HEMK1: variants seen among roughly 807,000 people sequenced by gnomAD.
The protein encoded by HEMK1 is HemK methyltransferase 1, mitochondrial release factors N(5)-glutamine, also known as MTRF1L release factor glutamine methyltransferase.
HEMK1 carries 36 observed loss-of-function variants against 47.9 expected under a neutral mutation model. The observed-to-expected ratio is 0.75, with a 90% CI of 0.58 to 0.99. The LOEUF (loss-of-function observed/expected upper bound fraction) is 0.99. Ranked by LOEUF, HEMK1 falls within the 50% of genes least tolerant of loss-of-function variation. The pLI is 0.00. For missense variants in HEMK1, 383 were observed against 434.5 expected (o/e 0.88, Z 1.05); for synonymous variants, 153 against 165.4 (o/e 0.93, Z 0.57).
intron 4 of HEMK1, among the ~76,000 whole-genome samples, chr3:50,574,085 T>TG (rs1701309930): frequency 6.6e-6 from 1 of 152,192 alleles, no homozygotes; most frequent in Non-Finnish European, 1.5e-5. Flanking sequence ...AGCCTCTTGA[T>TG]GGGGTATGGA....
intron 5 of HEMK1, 66 bp from the exon 6 acceptor site, chr3:50,577,443 G>A (rs1392587152): frequency 3.3e-6 from 5 of 1,499,988 alleles, no homozygotes; most frequent in Non-Finnish European, 3.7e-6. Flanking sequence ...GGGTCCCCCA[G>A]GCCCAGTATC....
chr3:50,580,495 G>C lies in HEMK1; in HGVS notation c.*78G>C. 5 of 1,395,186 alleles carry C rather than the reference G, an allele frequency of 3.6e-6. No homozygotes were observed. Among genetic ancestry groups the C allele is most frequent in the Non-Finnish European group, 5.1e-6 (5 of 988,756 alleles). The allele number at this position is 1,395,186 out of a possible 1,614,324, so 86.4% of individuals were successfully genotyped here. A position where few individuals can be genotyped will look rare whatever the true frequency, so the allele number is the denominator to read the frequency against. On this transcript the variant is annotated 3_prime_UTR_variant, in exon 11 of 11. Coordinates refer to ENST00000232854, the MANE Select transcript of HEMK1 (RefSeq NM_016173.5). ...GGTGGATGGCACTTTCCAGAGCCCA[G>C]GTTCTTATGGCATTTCCCAGGGTTC...
intron 1 of HEMK1, chr3:50,570,215 G>A (rs764863435): frequency 6.6e-6 from 1 of 152,246 alleles, no homozygotes; most frequent in Non-Finnish European, 1.5e-5. Context: ...ATCTGAAGAT[G>A]TGGCACTTAG....
At chr3:50,578,307 G>C (rs1281201664) in intron 7 of HEMK1, among the ~76,000 whole-genome samples, 3 of 152,216 alleles carry the variant, frequency 2.0e-5, no homozygotes, top group Non-Finnish European at 4.4e-5. Flanking sequence ...TCCAACTCCA[G>C]TTCTGGCTCC....
At chr3:50,576,085 T>A (rs1701562828) in intron 4 of HEMK1, among the ~76,000 whole-genome samples, 1 of 152,230 alleles carries the variant, frequency 6.6e-6, no homozygotes, top group African/African-American at 2.4e-5. Flanking sequence ...TGCCTGTGTA[T>A]GCCACAGCCC....
chr3:50,577,358 C>A (rs1701696640), intron 5 of HEMK1, 151 bp from the exon 6 acceptor site: 1 of 1,087,912 alleles, frequency 9.2e-7, no homozygotes, highest in Non-Finnish European at 1.4e-6. Flanking sequence ...CCTACCACAT[C>A]TATCTGGCTA....
In HEMK1 at chr3:50,591,449, A is replaced by C. The variant is rs546743422; in HGVS notation, c.*11032A>C. ...TTAGGCTCTGGGGAAGCCAAGCAAC[A>C]TCACATGTACACAGCATAGAGACTC... On this transcript the variant is annotated 3_prime_UTR_variant, in exon 11 of 11. Coordinates refer to ENST00000232854, the MANE Select transcript of HEMK1 (RefSeq NM_016173.5). 1 of 152,414 alleles carries C rather than the reference A, an allele frequency of 6.6e-6. No homozygotes were observed. Among genetic ancestry groups the C allele is most frequent in the African/African-American group, 2.4e-5 (1 of 41,552 alleles). 9.4% of individuals were successfully genotyped at this position (152,414 alleles called of 1,614,324 possible).
rs763779652 is a variant in HEMK1, at chr3:50,580,634, G to T, written c.*217G>T. On this transcript the variant is annotated 3_prime_UTR_variant, in exon 11 of 11. Coordinates refer to ENST00000232854, the MANE Select transcript of HEMK1 (RefSeq NM_016173.5). Reference sequence around the variant, plus strand: ...CTGTGTTGGTGAAATTGCTGTGGGGGTATCGGGGGATATGGCCAGTAAAGT... The same window carrying T: ...CTGTGTTGGTGAAATTGCTGTGGGGTTATCGGGGGATATGGCCAGTAAAGT... The T allele has an allele frequency of 3.3e-5, 20 of 597,676 alleles. No homozygotes were observed. The highest frequency in any genetic ancestry group is 5.7e-5 in the Non-Finnish European group (19 of 336,270). The allele number at this position is 597,676 out of a possible 1,614,324, so 37.0% of individuals were successfully genotyped here. A position where few individuals can be genotyped will look rare whatever the true frequency, so the allele number is the denominator to read the frequency against.
rs2031265614 is a variant in HEMK1 at position 50,585,339 on chromosome 3, G to A, written c.*4922G>A. ...CAGCAGCCCCTGACTTTGAGCTAAT[G>A]GGCCTGGCCCCTCCATGTAAGCCAT... On this transcript the variant is annotated 3_prime_UTR_variant, in exon 11 of 11. Transcript: ENST00000232854. 1 of 152,310 alleles carries A rather than the reference G, an allele frequency of 6.6e-6. No homozygotes were observed. Among genetic ancestry groups the A allele is most frequent in the Admixed American group, 6.5e-5 (1 of 15,280 alleles). The allele number at this position is 152,310 out of a possible 1,614,324, so 9.4% of individuals were successfully genotyped here.
At chr3:50,570,880 G>T (rs748102961) in intron 1 of HEMK1, 51 bp from the exon 2 acceptor site, 9 of 449,240 alleles carry the variant, frequency 2.0e-5, no homozygotes, top group East Asian at 7.2e-5. Context: ...TTGGTAGAAG[G>T]GGGGGTGTCA....
rs1224206884 is a variant in HEMK1, at chr3:50,577,133, G to A, written c.496G>A (p.Val166Met). The change falls in exon 5 of 11, where the codon GTG becomes ATG. Residue 166 changes from valine to methionine, a missense_variant. Coordinates refer to ENST00000232854, the MANE Select transcript of HEMK1 (RefSeq NM_016173.5). Reference protein sequence around the residue: ...GSPGSPLILEVGCGSGAISLS... With the variant: ...GSPGSPLILEMGCGSGAISLS... ...CCCAGGCAGCCCCCTCATTCTGGAG[G>A]TGGGCTGCGGATCAGGAGCCATCTC... The A allele has an allele frequency of 6.2e-7, 1 of 1,613,594 alleles. No individual in the cohort carries two copies. Among genetic ancestry groups the A allele is most frequent in the Admixed American group, 1.7e-5 (1 of 59,942 alleles).
chr3:50,578,773 C>T (rs1292592019), intron 7 of HEMK1, 48 bp from the exon 8 acceptor site: 7 of 1,269,280 alleles, frequency 5.5e-6, no homozygotes, highest in East Asian at 2.4e-5. Context: ...TCATCCTTTA[C>T]CTCCCAATGG....
chr3:50,571,120 C>T lies in HEMK1; in HGVS notation c.16C>T (p.Arg6Ter), dbSNP rs1303645255. 8.8e-6 allele frequency: 14 copies of T among 1,595,738 alleles called. No individual in the cohort carries two copies. Among genetic ancestry groups the T allele is most frequent in the South Asian group, 1.1e-5 (1 of 88,782 alleles). The part of the protein sequence containing the change: MELWG[R>*]MLWALLSGPG... ...TCCCTGAGACATGGAGCTTTGGGGC[C>T]GAATGCTGTGGGCCCTCCTGTCTGG... is the stretch of plus-strand genomic sequence containing the variant. The change falls in exon 2 of 11, where the codon CGA (arginine) becomes TGA (stop). Residue 6 changes from arginine (R) to a stop codon, truncating the protein, a stop_gained. Coordinates refer to ENST00000232854, the MANE Select transcript of HEMK1 (RefSeq NM_016173.5). LOFTEE classifies it high-confidence loss of function.
chr3:50,578,361 T>C (rs367941860), intron 7 of HEMK1, among the ~76,000 whole-genome samples: 1 of 152,120 alleles, frequency 6.6e-6, no homozygotes, highest in Non-Finnish European at 1.5e-5. Flanking sequence ...GCCCCCTCCA[T>C]GGAATGTGAT....
chr3:50,578,070 C>T (rs961550135), intron 7 of HEMK1, among the ~76,000 whole-genome samples, 195 bp downstream of exon 7: 4 of 152,150 alleles, frequency 2.6e-5, no homozygotes, highest in Non-Finnish European at 5.9e-5. Flanking sequence ...AGACAAGGTG[C>T]TTTTGCCTCC....
chr3:50,587,879 G>A lies in HEMK1; in HGVS notation c.*7462G>A, dbSNP rs183984851. 1 of 152,538 alleles carries A rather than the reference G, an allele frequency of 6.6e-6. No individual in the cohort carries two copies. The highest frequency in any genetic ancestry group is 6.5e-5 in the Admixed American group (1 of 15,310). 9.4% of individuals were successfully genotyped at this position (152,538 alleles called of 1,614,324 possible). On this transcript the variant is annotated 3_prime_UTR_variant, in exon 11 of 11. Transcript: ENST00000232854. The surrounding 1 kb of genome is among the most constrained non-coding windows in gnomAD (Gnocchi z 4.2). ...CTGGAGGTGGCTGGGGTCTGTAGCAGTGGCATCAGATATTCTGGAACAGAA... is the reference window on the plus strand; with the variant it reads ...CTGGAGGTGGCTGGGGTCTGTAGCAATGGCATCAGATATTCTGGAACAGAA...
At position 50,582,413 on chromosome 3, in the gene HEMK1, C is replaced by T. The variant is rs1287455504; in HGVS notation, c.*1996C>T. ...GCCACTGGCTTGATTGGGCCCTGGA[C>T]GTTGAGCCCAGATGTTGGAGCCACA... On this transcript the variant is annotated 3_prime_UTR_variant, in exon 11 of 11. Coordinates refer to ENST00000232854, the MANE Select transcript of HEMK1 (RefSeq NM_016173.5). 4.6e-5 allele frequency: 7 copies of T among 152,202 alleles called. No individual in the cohort carries two copies. The highest frequency in any genetic ancestry group is 1.7e-4 in the African/African-American group (7 of 41,462). 9.4% of individuals were successfully genotyped at this position (152,202 alleles called of 1,614,324 possible).
At position 50,572,225 on chromosome 3, in the gene HEMK1, G is replaced by C; in HGVS notation, c.414+17G>C. 1 of 1,560,866 alleles carries C rather than the reference G, an allele frequency of 6.4e-7. No homozygotes were observed. The highest frequency in any genetic ancestry group is 8.8e-7 in the Non-Finnish European group (1 of 1,141,066). ...GAAACAGAGGTAGGTGTGCCACCAG[G>C]GCAAGGCAGGATCAGGATGATGGTG... is the stretch of plus-strand genomic sequence containing the variant. On this transcript the variant is annotated intron_variant, in intron 4 of 10. Coordinates refer to ENST00000232854, the MANE Select transcript of HEMK1 (RefSeq NM_016173.5).
rs542442349 is a variant in HEMK1 at position 50,591,288 on chromosome 3, G to A, written c.*10871G>A. On this transcript the variant is annotated 3_prime_UTR_variant, in exon 11 of 11. Coordinates refer to ENST00000232854, the MANE Select transcript of HEMK1 (RefSeq NM_016173.5). Reference sequence around the variant, plus strand: ...GGCACCAACTGTAAGCCAGGCCCAGGAGGTTGGATGGTTCAGGTGGGGCCC... The same window carrying A: ...GGCACCAACTGTAAGCCAGGCCCAGAAGGTTGGATGGTTCAGGTGGGGCCC... The A allele has an allele frequency of 1.3e-5, 2 of 152,386 alleles. No individual in the cohort carries two copies. The highest frequency in any genetic ancestry group is 4.8e-5 in the African/African-American group (2 of 41,582). The allele number at this position is 152,386 out of a possible 1,614,324, so 9.4% of individuals were successfully genotyped here.
Sources: gnomAD v4.1 joint callset for allele counts (sites outside exome capture counted in the v4.1 genomes callset) on GRCh38, gnomAD v4.1.1 for gene constraint, Gnocchi (gnomAD v3.1) non-coding constraint, MANE v1.5 for transcripts, NCBI Gene and HGNC (gene_info 2026-07-23, HGNC 2026-07-21) for gene names.